Variants in WIPF3 observed in about 807,000 individuals in gnomAD.
WIPF3 encodes WAS/WASL-interacting protein family member 3.
In WIPF3, 33 loss-of-function variants were observed where a neutral mutation model predicts 38.9. The observed-to-expected ratio is 0.85, with a 90% CI of 0.64 to 1.14. WIPF3 has a LOEUF of 1.14. Ranked by LOEUF, WIPF3 falls within the 50% of genes most tolerant of loss-of-function variation. The probability of loss-of-function intolerance (pLI) is 0.00; values close to 1 mark genes in which losing one functional copy is unlikely to be tolerated. For missense variants in WIPF3, 711 were observed against 652.5 expected, an observed-to-expected ratio of 1.09 and a Z score of -0.98; for synonymous variants, 324 against 269.3, an observed-to-expected ratio of 1.20 and a Z score of -1.99.
chr7:29,857,937 T>G, intron 2 of WIPF3, among the ~76,000 whole-genome samples: 1 of 152,144 alleles, frequency 6.6e-6, no homozygotes. Flanking sequence ...AAACCCTCCT[T>G]TTCATGGTTG....
chr7:29,880,843 C>T (rs1322863990), intron 4 of WIPF3, among the ~76,000 whole-genome samples: 1 of 152,182 alleles, frequency 6.6e-6, no homozygotes, highest in Non-Finnish European at 1.5e-5. Flanking sequence ...CAGGGCAAGG[C>T]AGGCCGTGGC....
At chr7:29,810,509 T>G (rs1300469177) in intron 1 of WIPF3, among the ~76,000 whole-genome samples, 1 of 151,122 alleles carries the variant, frequency 6.6e-6, no homozygotes, top group African/African-American at 2.4e-5. Flanking sequence ...TGAATGAATA[T>G]CTGGAAGTAT....
At chr7:29,813,074 C>A (rs930932883) in intron 1 of WIPF3, among the ~76,000 whole-genome samples, 5 of 152,244 alleles carry the variant, frequency 3.3e-5, no homozygotes, top group African/African-American at 1.2e-4. Context: ...TCCTCCGTCT[C>A]GTTTAACACT....
chr7:29,892,858 G>A (rs1046428458), intron 7 of WIPF3, among the ~76,000 whole-genome samples: 2 of 152,168 alleles, frequency 1.3e-5, no homozygotes, highest in African/African-American at 2.4e-5. Flanking sequence ...CTGAGGTCAG[G>A]AGTTTGAGAC....
intron 2 of WIPF3, among the ~76,000 whole-genome samples, chr7:29,851,656 G>A (rs960362460): frequency 4.6e-5 from 7 of 152,230 alleles, no homozygotes; most frequent in Non-Finnish European, 8.8e-5. Context: ...GTTCAATGTC[G>A]TTCTTTCCTG....
chr7:29,878,902 G>A lies in WIPF3; in HGVS notation c.224-107G>A. 1 of 1,319,452 alleles carries A rather than the reference G, an allele frequency of 7.6e-7. No individual in the cohort carries two copies. The highest frequency in any genetic ancestry group is 2.2e-5 in the Admixed American group (1 of 44,564). The allele number at this position is 1,319,452 out of a possible 1,614,324, so 81.7% of individuals were successfully genotyped here. A position where few individuals can be genotyped will look rare whatever the true frequency, so the allele number is the denominator to read the frequency against. On this transcript the variant is annotated intron_variant, in intron 3 of 8. Coordinates refer to ENST00000242140, the MANE Select transcript of WIPF3 (RefSeq NM_001080529.3). The surrounding 1 kb of genome is among the most constrained non-coding windows in gnomAD (Gnocchi z 4.0). Reference sequence around the variant, plus strand: ...GACATTGGAGGTGGGAGAATGGGAAGGCTGACAAGGGCAGTGGTAGACCAG... The same window carrying A: ...GACATTGGAGGTGGGAGAATGGGAAAGCTGACAAGGGCAGTGGTAGACCAG...
chr7:29,826,950 C>T (rs905496734), intron 1 of WIPF3, among the ~76,000 whole-genome samples: 5 of 152,160 alleles, frequency 3.3e-5, no homozygotes, highest in African/African-American at 1.2e-4. Flanking sequence ...CCTCTCCATC[C>T]TTCAATTGCC....
At chr7:29,884,618 GC>G in intron 5 of WIPF3, 25 bp downstream of exon 5, 2 of 1,581,336 alleles carry the variant, frequency 1.3e-6, no homozygotes, top group Non-Finnish European at 1.7e-6. Flanking sequence ...CTGGCCCAGT[GC>G]CCCTGGTGGA....
chr7:29,857,700 G>A (rs1210242430), intron 2 of WIPF3, among the ~76,000 whole-genome samples: 2 of 152,088 alleles, frequency 1.3e-5, no homozygotes, highest in African/African-American at 4.8e-5. Flanking sequence ...GAGCTTTAAT[G>A]TATGATTTTC....
chr7:29,884,555 C>G lies in WIPF3; in HGVS notation c.1061C>G (p.Ser354Cys). ...CCCGCCCCGCCTGCCCCTCCGGGCTCCCAGCCGTTCCTGCAGAAGAAGAGG... is the reference window on the plus strand; with the variant it reads ...CCCGCCCCGCCTGCCCCTCCGGGCTGCCAGCCGTTCCTGCAGAAGAAGAGG... ...ALPAPPAPPG[S>C]QPFLQKKRHG... The change falls in exon 5 of 9, where the codon TCC becomes TGC. Residue 354 changes from serine (S) to cysteine (C), a missense_variant. Coordinates refer to ENST00000242140, the MANE Select transcript of WIPF3 (RefSeq NM_001080529.3). 1.2e-6 allele frequency: 2 copies of G among 1,602,844 alleles called. No homozygotes were observed. The highest frequency in any genetic ancestry group is 2.3e-5 in the South Asian group (2 of 88,558).
At chr7:29,830,150 C>T (rs933656012) in intron 1 of WIPF3, among the ~76,000 whole-genome samples, 4 of 151,530 alleles carry the variant, frequency 2.6e-5, no homozygotes, top group African/African-American at 9.7e-5. Context: ...TAAAACTATC[C>T]TCTAATCCTG....
In WIPF3 at chr7:29,834,751, T is replaced by TCCCCCCCCCCCCCCCC; in HGVS notation, c.29_30insCCCCCCCCCCCCCCCC (p.Leu11ProfsTer47). 9.2e-7 allele frequency: 1 copy of TCCCCCCCCCCCCCCCC among 1,083,758 alleles called. No individual in the cohort carries two copies. The allele number at this position is 1,083,758 out of a possible 1,614,324, so 67.1% of individuals were successfully genotyped here. On this transcript the variant is annotated frameshift_variant, in exon 2 of 9. Coordinates refer to ENST00000242140, the MANE Select transcript of WIPF3 (RefSeq NM_001080529.3). LOFTEE classifies it high-confidence loss of function. ...TGCCAGTGCCACCGCCACCCCCACC[T>TCCCCCCCCCCCCCCCC]CCTCTGCCTCCACCTCCCCCGCCTC...
intron 7 of WIPF3, among the ~76,000 whole-genome samples, chr7:29,899,947 TCTCACTCTATTGCCCTGG>T (rs1331940014): frequency 2.8e-4 from 43 of 152,234 alleles, no homozygotes; most frequent in Middle Eastern, 3.4e-3. Context: ...AGAGATTAGG[TCTCACTCTATTGCCCTGG>T]CTCACTCTAT....
intron 2 of WIPF3, among the ~76,000 whole-genome samples, chr7:29,839,858 T>G (rs900033276): frequency 1.3e-5 from 2 of 152,246 alleles, no homozygotes; most frequent in Non-Finnish European, 2.9e-5. Flanking sequence ...AGAACACCAA[T>G]TAAGCAAAAT....
chr7:29,899,838 G>A (rs921627708), intron 7 of WIPF3, among the ~76,000 whole-genome samples: 7 of 152,086 alleles, frequency 4.6e-5, no homozygotes, highest in Admixed American at 1.3e-4. Flanking sequence ...AAATAAATTC[G>A]TGTATCTGCA....
In WIPF3 at chr7:29,885,537, C is replaced by T. The variant is rs187072403; in HGVS notation, c.1099+944C>T. On this transcript the variant is annotated intron_variant, in intron 5 of 8. Coordinates refer to ENST00000242140, the MANE Select transcript of WIPF3 (RefSeq NM_001080529.3). ...GACGGAAATTCAAACTGGCCAGGTA[C>T]GGATGGCTCACACCGGTAATCCCAC... Among the ~76,000 whole-genome samples, 15 of 152,288 alleles carry T rather than the reference C, an allele frequency of 9.8e-5. No individual in the cohort carries two copies. The East Asian group carries it at 2.5e-3, about 25-fold the overall frequency.
chr7:29,828,222 C>T (rs1260465983), intron 1 of WIPF3, among the ~76,000 whole-genome samples: 3 of 152,182 alleles, frequency 2.0e-5, no homozygotes, highest in Admixed American at 1.3e-4. Context: ...AAGAGTTTGA[C>T]GAGAGCAACT....
chr7:29,876,651 G>T (rs1260280611), intron 3 of WIPF3, among the ~76,000 whole-genome samples: 2 of 152,176 alleles, frequency 1.3e-5, no homozygotes, highest in Admixed American at 6.5e-5. Flanking sequence ...CACTCACCTT[G>T]TGTCAACATG....
At chr7:29,893,532 A>C (rs1419251503) in intron 7 of WIPF3, among the ~76,000 whole-genome samples, 1 of 152,192 alleles carries the variant, frequency 6.6e-6, no homozygotes, top group Non-Finnish European at 1.5e-5. Context: ...AGTCCCTCCC[A>C]GACAGCCAGG....
Sources: gnomAD v4.1 joint callset for allele counts (sites outside exome capture counted in the v4.1 genomes callset) on GRCh38, gnomAD v4.1.1 for gene constraint, Gnocchi (gnomAD v3.1) non-coding constraint, MANE v1.5 for transcripts, NCBI Gene and HGNC (gene_info 2026-07-23, HGNC 2026-07-21) for gene names.